Variants in TTC28 observed in about 807,000 individuals in gnomAD.
The protein encoded by TTC28 is tetratricopeptide repeat protein 28.
Under a neutral mutation model 198.0 loss-of-function variants are expected in TTC28, and 61 were observed. The ratio of observed to expected loss-of-function variants is 0.31; its 90% confidence interval spans 0.25 to 0.38. The LOEUF is 0.38. Ranked by LOEUF, TTC28 falls within the 10% of genes least tolerant of loss-of-function variation. TTC28 has a pLI of 1.00. For synonymous variants in TTC28, 1,171 were observed against 1,297.8 expected, an observed-to-expected ratio of 0.90 and a Z score of 2.10; for missense variants, 2,678 against 3,164.0, an observed-to-expected ratio of 0.85 and a Z score of 3.69.
intron 2 of TTC28, among the ~76,000 whole-genome samples, chr22:28,336,125 A>T (rs2145889646): frequency 6.6e-6 from 1 of 152,254 alleles, no homozygotes; most frequent in African/African-American, 2.4e-5. Flanking sequence ...GCTTCTGTTT[A>T]TATGCTGGAT....
chr22:28,299,988 C>T (rs753511194), intron 3 of TTC28, among the ~76,000 whole-genome samples: 1 of 152,186 alleles, frequency 6.6e-6, no homozygotes, highest in Non-Finnish European at 1.5e-5. Flanking sequence ...ACCACAAACG[C>T]TGCCTGGTGA....
At chr22:28,184,161 C>T (rs1217444836) in intron 5 of TTC28, among the ~76,000 whole-genome samples, 1 of 152,046 alleles carries the variant, frequency 6.6e-6, no homozygotes, top group African/African-American at 2.4e-5. Flanking sequence ...CTTATTATGA[C>T]CACACATTTA....
intron 6 of TTC28, among the ~76,000 whole-genome samples, chr22:28,142,784 C>T (rs1031990924): frequency 3.9e-5 from 6 of 152,132 alleles, no homozygotes; most frequent in Non-Finnish European, 2.9e-5. Context: ...ATGTAACAAT[C>T]GGAAAACCAT....
At chr22:28,615,775 C>A (rs1184731517) in intron 2 of TTC28, among the ~76,000 whole-genome samples, 1 of 140,336 alleles carries the variant, frequency 7.1e-6, no homozygotes, top group Non-Finnish European at 1.5e-5. Context: ...AGGGAAACAT[C>A]ACACATCGGG....
intron 2 of TTC28, among the ~76,000 whole-genome samples, chr22:28,419,641 A>C (rs16986398): frequency 0.14 from 21,193 of 152,216 alleles, 1,720 homozygotes; most frequent in African/African-American, 0.2. Flanking sequence ...AAGAAAACAA[A>C]CACCTTTGAG....
intron 2 of TTC28, among the ~76,000 whole-genome samples, chr22:28,448,922 G>A (rs775692241): frequency 5.3e-5 from 8 of 152,178 alleles, no homozygotes; most frequent in Non-Finnish European, 8.8e-5. Context: ...TTATGTACAA[G>A]GGAGTGCTGT....
intron 2 of TTC28, among the ~76,000 whole-genome samples, chr22:28,501,515 T>C (rs982825315): frequency 2.0e-5 from 3 of 152,176 alleles, no homozygotes; most frequent in Admixed American, 1.3e-4. Flanking sequence ...GTCATTCCAA[T>C]GAAAAATTAA....
rs1601470730 is a variant in TTC28, at chr22:27,980,352, G to A, written c.*1869C>T. The A allele has an allele frequency of 6.6e-6, 1 of 152,242 alleles. No individual in the cohort carries two copies. Among genetic ancestry groups the A allele is most frequent in the East Asian group, 1.9e-4 (1 of 5,184 alleles). The allele number at this position is 152,242 out of a possible 1,614,324, so 9.4% of individuals were successfully genotyped here. A position where few individuals can be genotyped will look rare whatever the true frequency, so the allele number is the denominator to read the frequency against. On this transcript the variant is annotated 3_prime_UTR_variant, in exon 23 of 23. Coordinates refer to ENST00000397906, the MANE Select transcript of TTC28 (RefSeq NM_001145418.2). ...TGCTGGCTTCTTTATAAAGTACTTC[G>A]CTTTCAGTGTTGGGATCAGGGCTAG...
chr22:28,216,250 A>G lies in TTC28; in HGVS notation c.934-52651T>C, dbSNP rs569315018. On this transcript the variant is annotated intron_variant, in intron 5 of 22. Transcript: ENST00000397906. ...GCATATAACTAGTATAGTAGCTATC[A>G]TAGCTGATTTGAAAGAAGTCCATAT... is the stretch of plus-strand genomic sequence containing the variant. Among the ~76,000 whole-genome samples, 6 of 152,354 alleles carry G rather than the reference A, an allele frequency of 3.9e-5. No homozygotes were observed. The South Asian group carries it at 1.2e-3, about 32-fold the overall frequency.
At chr22:28,163,637 A>C (rs1038962434) in intron 5 of TTC28, 38 bp from the exon 6 acceptor site, 2 of 1,475,152 alleles carry the variant, frequency 1.4e-6, no homozygotes, top group Non-Finnish European at 1.8e-6. Flanking sequence ...ATGAAAACAC[A>C]TCAGAATGGT....
At chr22:28,143,097 C>G (rs1943380297) in intron 6 of TTC28, among the ~76,000 whole-genome samples, 1 of 152,184 alleles carries the variant, frequency 6.6e-6, no homozygotes. Flanking sequence ...CTTTCCCTCT[C>G]TGTGGAAACT....
intron 5 of TTC28, among the ~76,000 whole-genome samples, chr22:28,174,077 G>C (rs1922934770): frequency 6.6e-6 from 1 of 152,070 alleles, no homozygotes. Context: ...CAAAGTCCTA[G>C]ATTAACTACC....
At chr22:28,106,262 C>T (rs1237610298) in intron 7 of TTC28, among the ~76,000 whole-genome samples, 1 of 152,160 alleles carries the variant, frequency 6.6e-6, no homozygotes, top group African/African-American at 2.4e-5. Flanking sequence ...GCCCTAATCC[C>T]CTGCCTCTCT....
chr22:28,269,100 T>G (rs1480803955), intron 5 of TTC28, among the ~76,000 whole-genome samples: 1 of 152,152 alleles, frequency 6.6e-6, no homozygotes, highest in African/African-American at 2.4e-5. Context: ...GGCAATGGTC[T>G]TTCACGCAAG....
At chr22:28,599,721 T>G (rs1380207212) in intron 2 of TTC28, among the ~76,000 whole-genome samples, 1 of 152,168 alleles carries the variant, frequency 6.6e-6, no homozygotes, top group Non-Finnish European at 1.5e-5. Flanking sequence ...GGCTCTAGAT[T>G]GAGACTTTAA....
chr22:28,271,114 A>ATT (rs201979669), intron 5 of TTC28, among the ~76,000 whole-genome samples: 2 of 142,616 alleles, frequency 1.4e-5, no homozygotes, highest in Non-Finnish European at 3.1e-5. Flanking sequence ...TTTTTTCAGT[A>ATT]TTTTTTTTTT....
In TTC28 at chr22:28,192,556, T is replaced by C. The variant is rs547697752; in HGVS notation, c.934-28957A>G. Among the ~76,000 whole-genome samples, 68 of 152,248 alleles carry C rather than the reference T, an allele frequency of 4.5e-4. 1 individual carries two copies. In the South Asian group the frequency reaches 0.013, roughly 30 times the overall value. On this transcript the variant is annotated intron_variant, in intron 5 of 22. Coordinates refer to ENST00000397906, the MANE Select transcript of TTC28 (RefSeq NM_001145418.2). ...CTAAAAACCTTGAGAAAAGATTGGA[T>C]GAATGGCTAACTAGAATAAACAGTG...
chr22:28,488,842 T>C (rs1361422347), intron 2 of TTC28, among the ~76,000 whole-genome samples: 3 of 152,328 alleles, frequency 2.0e-5, no homozygotes, highest in Non-Finnish European at 2.9e-5. Flanking sequence ...ACTAAATATG[T>C]ACTTGGTATT....
At chr22:28,587,091 G>A (rs752488560) in intron 2 of TTC28, among the ~76,000 whole-genome samples, 1 of 152,020 alleles carries the variant, frequency 6.6e-6, no homozygotes, top group Non-Finnish European at 1.5e-5. Flanking sequence ...GTATGGTGGC[G>A]GGCGCCTATA....
Sources: gnomAD v4.1 joint callset for allele counts (sites outside exome capture counted in the v4.1 genomes callset) on GRCh38, gnomAD v4.1.1 for gene constraint, MANE v1.5 for transcripts, NCBI Gene and HGNC (gene_info 2026-07-23, HGNC 2026-07-21) for gene names.